The following MAF variants were observed in gnomAD, a reference collection of about 807,000 sequenced individuals.
MAF encodes the protein transcription factor Maf.
A neutral mutation model predicts 22.0 loss-of-function variants in MAF; 10 were observed. The ratio of observed to expected loss-of-function variants is 0.45; its 90% CI spans 0.28 to 0.77. MAF has a LOEUF of 0.77. Ranked by LOEUF, MAF falls within the 30% of genes least tolerant of loss-of-function variation. MAF has a pLI of 0.12. For synonymous variants in MAF, 337 were observed against 255.8 expected (o/e 1.32, Z -3.03); for missense variants, 544 against 548.4 (o/e 0.99, Z 0.08).
chr16:79,285,295 G>A, the MAF span, among the ~76,000 whole-genome samples: 4 of 152,162 alleles, frequency 2.6e-5, no homozygotes, highest in South Asian at 8.3e-4. Context: ...AGGTCTTTAA[G>A]CCATAATATA....
At chr16:79,374,879 G>T in the MAF span, among the ~76,000 whole-genome samples, 1 of 152,170 alleles carries the variant, frequency 6.6e-6, no homozygotes, top group Non-Finnish European at 1.5e-5. Flanking sequence ...AGACAGTCAG[G>T]GTGGGGTATG....
the MAF span, among the ~76,000 whole-genome samples, chr16:79,305,532 A>T: frequency 6.6e-6 from 1 of 152,168 alleles, no homozygotes; most frequent in South Asian, 2.1e-4. Flanking sequence ...TGCAAGGTGG[A>T]TGGGAAACGA....
chr16:79,344,648 C>T, the MAF span, among the ~76,000 whole-genome samples: 1 of 152,162 alleles, frequency 6.6e-6, no homozygotes, highest in Admixed American at 6.5e-5. Flanking sequence ...CTTATCATTG[C>T]AAAGAGCTGT....
chr16:79,263,214 G>C, the MAF span, among the ~76,000 whole-genome samples: 1 of 151,972 alleles, frequency 6.6e-6, no homozygotes, highest in Admixed American at 6.6e-5. Flanking sequence ...ATAACTAAAC[G>C]CATCATTGCA....
chr16:79,238,422 A>G, the MAF span, among the ~76,000 whole-genome samples: 22 of 152,206 alleles, frequency 1.4e-4, no homozygotes, highest in Non-Finnish European at 3.1e-4. Context: ...ATTTGGGTAC[A>G]TAGTTCATTT....
At chr16:79,519,243 A>C in the MAF span, among the ~76,000 whole-genome samples, 1 of 152,162 alleles carries the variant, frequency 6.6e-6, no homozygotes, top group Non-Finnish European at 1.5e-5. Context: ...GGATACCCAG[A>C]AACAGCCATG....
the MAF span, among the ~76,000 whole-genome samples, chr16:79,498,357 G>A: frequency 2.0e-5 from 3 of 152,072 alleles, no homozygotes; most frequent in Admixed American, 2.0e-4. Flanking sequence ...CCTTACTTAT[G>A]GGCACTAAAA....
the MAF span, among the ~76,000 whole-genome samples, chr16:79,508,393 C>A: frequency 2.0e-5 from 3 of 152,168 alleles, no homozygotes; most frequent in African/African-American, 7.2e-5. Context: ...CACTGAACTG[C>A]TTTCTCCATG....
chr16:79,270,627 G>C, the MAF span, among the ~76,000 whole-genome samples: 7 of 152,204 alleles, frequency 4.6e-5, no homozygotes, highest in Non-Finnish European at 1.0e-4. Flanking sequence ...TCTAGATGCA[G>C]TGACTTTCTG....
the MAF span, among the ~76,000 whole-genome samples, chr16:79,305,311 G>A: frequency 2.0e-5 from 3 of 152,202 alleles, no homozygotes; most frequent in Non-Finnish European, 4.4e-5. Flanking sequence ...CTACCGACCC[G>A]CCTGTGCTCT....
the MAF span, among the ~76,000 whole-genome samples, chr16:79,236,296 G>C: frequency 7.2e-5 from 11 of 151,992 alleles, no homozygotes; most frequent in Non-Finnish European, 1.3e-4. Context: ...GCGGGACACA[G>C]TCTGTGTCCT....
At chr16:79,477,136 C>G in the MAF span, among the ~76,000 whole-genome samples, 5 of 152,166 alleles carry the variant, frequency 3.3e-5, no homozygotes, top group African/African-American at 1.2e-4. Context: ...AGAGTGGGAA[C>G]TGATACAATT....
the MAF span, among the ~76,000 whole-genome samples, chr16:79,207,050 AGT>A: frequency 6.6e-6 from 1 of 152,096 alleles, no homozygotes; most frequent in Admixed American, 6.5e-5. Flanking sequence ...GTTCTGGGAG[AGT>A]GGTTATAGCC....
At chr16:79,550,199 C>T in the MAF span, among the ~76,000 whole-genome samples, 130 of 152,156 alleles carry the variant, frequency 8.5e-4, no homozygotes, top group African/African-American at 2.8e-3. Context: ...AATGGGTGAC[C>T]ATTTACCAAA....
downstream of MAF, among the ~76,000 whole-genome samples, chr16:79,584,864 G>A (rs1912743940): frequency 6.6e-6 from 1 of 152,188 alleles, no homozygotes; most frequent in Non-Finnish European, 1.5e-5. Flanking sequence ...GCACCGTGTA[G>A]AAGTAAGTAA....
chr16:79,248,592 A>G, the MAF span, among the ~76,000 whole-genome samples: 4 of 152,178 alleles, frequency 2.6e-5, no homozygotes, highest in Non-Finnish European at 5.9e-5. Context: ...GATTAACTTA[A>G]CTATCACTTG....
At chr16:79,517,375 T>C in the MAF span, among the ~76,000 whole-genome samples, 1 of 152,248 alleles carries the variant, frequency 6.6e-6, no homozygotes, top group East Asian at 1.9e-4. Context: ...CATTGTGCTG[T>C]TTCACTTAAT....
chr16:79,585,550 C>T (rs1330084903), downstream of MAF, among the ~76,000 whole-genome samples: 1 of 151,138 alleles, frequency 6.6e-6, no homozygotes, highest in East Asian at 1.9e-4. Flanking sequence ...AGTAGACTCA[C>T]GTTGGATAAA....
chr16:79,474,454 G>A, the MAF span, among the ~76,000 whole-genome samples: 1 of 152,174 alleles, frequency 6.6e-6, no homozygotes, highest in Non-Finnish European at 1.5e-5. Context: ...AGCCAGCAAG[G>A]GTGGATGTTA....
Sources: gnomAD v4.1 joint callset for allele counts (sites outside exome capture counted in the v4.1 genomes callset) on GRCh38, gnomAD v4.1.1 for gene constraint, MANE v1.5 for transcripts, NCBI Gene and HGNC (gene_info 2026-07-23, HGNC 2026-07-21) for gene names.